The following RALGAPA2 variants were observed in gnomAD, a reference collection of about 807,000 sequenced individuals.
The protein encoded by RALGAPA2 is Ral GTPase activating protein catalytic subunit alpha 2.
RALGAPA2 carries 139 observed loss-of-function variants against 230.4 expected under a neutral mutation model. That is an observed-to-expected ratio of 0.60 (90% CI 0.53 to 0.69). RALGAPA2 has a LOEUF of 0.69. Ranked by LOEUF, RALGAPA2 falls within the 30% of genes least tolerant of loss-of-function variation. The pLI, the probability that RALGAPA2 is intolerant of heterozygous loss-of-function variation, is 0.00. For missense variants in RALGAPA2, 2,163 were observed against 2,276.0 expected, an observed-to-expected ratio of 0.95 and a Z score of 1.01; for synonymous variants, 847 against 837.8, an observed-to-expected ratio of 1.01 and a Z score of -0.19.
intron 37 of RALGAPA2, among the ~76,000 whole-genome samples, chr20:20,421,878 C>A (rs1348894346): frequency 6.6e-6 from 1 of 152,140 alleles, no homozygotes; most frequent in Non-Finnish European, 1.5e-5. Flanking sequence ...CCAGAAACAA[C>A]CCCCTTGCCT....
Position 20,458,873 on chromosome 20 carries a change from T to C in RALGAPA2, c.5495+13956A>G, listed in dbSNP as rs143785205. Among the ~76,000 whole-genome samples the C allele has an allele frequency of 1.0e-3, 141 of 134,522 alleles. 4 individuals are homozygous for C. Among genetic ancestry groups the C allele is most frequent in the East Asian group, 8.9e-3 (38 of 4,270 alleles). The allele number at this position is 134,522 out of a possible 152,430, so 88.3% of individuals were successfully genotyped here. A position where few individuals can be genotyped will look rare whatever the true frequency, so the allele number is the denominator to read the frequency against. On this transcript the variant is annotated intron_variant, in intron 37 of 39. Coordinates refer to ENST00000202677, the MANE Select transcript of RALGAPA2 (RefSeq NM_020343.4). The stretch of plus-strand genomic sequence containing the variant: ...ATATAGACCTATATATATATATATA[T>C]ATACACACACACAAATAAATAAAAT...
At chr20:20,579,297 A>G (rs1166328621) in intron 20 of RALGAPA2, among the ~76,000 whole-genome samples, 1 of 152,228 alleles carries the variant, frequency 6.6e-6, no homozygotes, top group Non-Finnish European at 1.5e-5. Flanking sequence ...TCAAGTATTT[A>G]TTAAATGCTT....
At chr20:20,516,678 G>A (rs2062881304) in intron 31 of RALGAPA2, among the ~76,000 whole-genome samples, 1 of 152,218 alleles carries the variant, frequency 6.6e-6, no homozygotes, top group Non-Finnish European at 1.5e-5. Context: ...GGTACCCACT[G>A]CTGGGAGACT....
chr20:20,596,287 G>T (rs1003198105), intron 16 of RALGAPA2, among the ~76,000 whole-genome samples: 2 of 152,142 alleles, frequency 1.3e-5, no homozygotes, highest in Non-Finnish European at 2.9e-5. Context: ...AACAATTTTG[G>T]TGGGTTTCTA....
chr20:20,638,668 G>A (rs1247990465), intron 7 of RALGAPA2, among the ~76,000 whole-genome samples: 1 of 152,156 alleles, frequency 6.6e-6, no homozygotes, highest in Non-Finnish European at 1.5e-5. Flanking sequence ...TAAACTGAAT[G>A]TCCAAACACT....
intron 3 of RALGAPA2, among the ~76,000 whole-genome samples, chr20:20,674,940 G>A (rs1330625586): frequency 2.0e-5 from 3 of 152,184 alleles, no homozygotes; most frequent in Admixed American, 2.0e-4. Context: ...CTAAAATGGT[G>A]AAGGGGGAGG....
At chr20:20,697,788 A>C (rs866635843) in intron 1 of RALGAPA2, among the ~76,000 whole-genome samples, 5 of 152,212 alleles carry the variant, frequency 3.3e-5, no homozygotes, top group Admixed American at 2.0e-4. Context: ...ATGAAGCAGA[A>C]GCACAGAAAA....
chr20:20,524,771 T>C, intron 29 of RALGAPA2, 59 bp downstream of exon 29: 1 of 1,420,038 alleles, frequency 7.0e-7, no homozygotes, highest in Non-Finnish European at 9.5e-7. Flanking sequence ...TTATTTATCA[T>C]TTTACCTTAC....
At chr20:20,399,328 A>G (rs1293885903) in intron 38 of RALGAPA2, among the ~76,000 whole-genome samples, 6 of 132,358 alleles carry the variant, frequency 4.5e-5, no homozygotes, top group Non-Finnish European at 9.5e-5. Context: ...TGGGCAATAG[A>G]GCGAAACTCC....
intron 14 of RALGAPA2, among the ~76,000 whole-genome samples, chr20:20,611,036 A>C (rs1603053222): frequency 6.6e-6 from 1 of 152,074 alleles, no homozygotes; most frequent in Non-Finnish European, 1.5e-5. Context: ...TTACCTCTCC[A>C]AATCTACCTA....
chr20:20,390,514 G>A lies in RALGAPA2; in HGVS notation c.*2775C>T, dbSNP rs1034706029. 5.3e-5 allele frequency: 8 copies of A among 152,166 alleles called. No homozygotes were observed. Among genetic ancestry groups the A allele is most frequent in the African/African-American group, 1.2e-4 (5 of 41,430 alleles). 9.4% of individuals were successfully genotyped at this position (152,166 alleles called of 1,614,324 possible). A position where few individuals can be genotyped will look rare whatever the true frequency, so the allele number is the denominator to read the frequency against. On this transcript the variant is annotated 3_prime_UTR_variant, in exon 40 of 40. Coordinates refer to ENST00000202677, the MANE Select transcript of RALGAPA2 (RefSeq NM_020343.4). Reference sequence around the variant, plus strand: ...TGGCCTGGCCCTGCCTGAGGCCAGCGAGTCTTACCACATTTTGGCCCAATT... The same window carrying A: ...TGGCCTGGCCCTGCCTGAGGCCAGCAAGTCTTACCACATTTTGGCCCAATT...
chr20:20,709,496 A>G (rs1257428523), intron 1 of RALGAPA2, among the ~76,000 whole-genome samples: 2 of 152,174 alleles, frequency 1.3e-5, no homozygotes, highest in Admixed American at 1.3e-4. Context: ...TGTTAAAAAA[A>G]AGACATGGAA....
chr20:20,483,183 G>A (rs1474046252), intron 36 of RALGAPA2, among the ~76,000 whole-genome samples: 1 of 152,156 alleles, frequency 6.6e-6, no homozygotes, highest in African/African-American at 2.4e-5. Context: ...GTAGGAAAGA[G>A]TACATGTTTT....
At chr20:20,573,424 C>A (rs897456360) in intron 20 of RALGAPA2, among the ~76,000 whole-genome samples, 2 of 152,004 alleles carry the variant, frequency 1.3e-5, no homozygotes, top group African/African-American at 4.8e-5. Flanking sequence ...GTAACATCTG[C>A]GGTGGTTGTT....
intron 23 of RALGAPA2, among the ~76,000 whole-genome samples, chr20:20,563,867 T>C (rs2064332095): frequency 6.6e-6 from 1 of 151,930 alleles, no homozygotes. Flanking sequence ...TATGTGCATA[T>C]ATATACAAAA....
intron 14 of RALGAPA2, among the ~76,000 whole-genome samples, chr20:20,607,874 T>C (rs2065867071): frequency 6.6e-6 from 1 of 152,216 alleles, no homozygotes; most frequent in Non-Finnish European, 1.5e-5. Flanking sequence ...ATCATCATAA[T>C]TCACAACTGA....
chr20:20,449,203 G>C (rs2060932324), intron 37 of RALGAPA2, among the ~76,000 whole-genome samples: 1 of 152,188 alleles, frequency 6.6e-6, no homozygotes, highest in African/African-American at 2.4e-5. Flanking sequence ...CCTGAGAGAA[G>C]AGCTGGATTA....
At position 20,584,850 on chromosome 20, in the gene RALGAPA2, T is replaced by C. The variant is rs1568611050; in HGVS notation, c.2530+15A>G. ...AACTCTGTAGTTGGAGGAACAGACA[T>C]TTCCCGGAACTTACTCTTCTGTCTT... On this transcript the variant is annotated intron_variant, in intron 19 of 39. Coordinates refer to ENST00000202677, the MANE Select transcript of RALGAPA2 (RefSeq NM_020343.4). The C allele has an allele frequency of 6.4e-7, 1 of 1,567,720 alleles. No homozygotes were observed. The highest frequency in any genetic ancestry group is 2.2e-5 in the East Asian group (1 of 44,462).
At chr20:20,465,801 C>T (rs964328080) in intron 37 of RALGAPA2, among the ~76,000 whole-genome samples, 10 of 152,144 alleles carry the variant, frequency 6.6e-5, no homozygotes, top group Non-Finnish European at 1.5e-4. Flanking sequence ...AGAAGAGGAC[C>T]TTCTGCAAGG....
Sources: allele counts gnomAD v4.1 joint callset (sites outside exome capture counted in the v4.1 genomes callset), GRCh38; gene constraint gnomAD v4.1.1; transcripts MANE v1.5; gene names NCBI Gene and HGNC (gene_info 2026-07-23, HGNC 2026-07-21).